NAALADL2: variants seen among roughly 807,000 people sequenced by gnomAD.
NAALADL2 encodes the protein N-acetylated alpha-linked acidic dipeptidase like 2.
NAALADL2 carries 76 observed loss-of-function variants against 87.2 expected under a neutral mutation model. The ratio of observed to expected loss-of-function variants is 0.87; its 90% confidence interval spans 0.72 to 1.05. The LOEUF is 1.05. NAALADL2 is among the 50% of genes least tolerant of loss of function. NAALADL2 has a pLI of 0.00. For synonymous variants in NAALADL2, 354 were observed against 331.0 expected (o/e 1.07, Z -0.75); for missense variants, 1,089 against 945.8 (o/e 1.15, Z -1.99).
chr3:174,581,448 T>A (rs1716156849), intron 2 of NAALADL2, among the ~76,000 whole-genome samples: 1 of 151,994 alleles, frequency 6.6e-6, no homozygotes, highest in South Asian at 2.1e-4. Flanking sequence ...AAAATGTCCA[T>A]GCGTTCAAGA....
intron 3 of NAALADL2, among the ~76,000 whole-genome samples, chr3:174,767,587 G>C (rs1713982578): frequency 6.6e-6 from 1 of 152,022 alleles, no homozygotes; most frequent in South Asian, 2.1e-4. Flanking sequence ...CTATTCACTA[G>C]CTTACCCACG....
intron 2 of NAALADL2, among the ~76,000 whole-genome samples, chr3:174,620,709 A>C (rs775869904): frequency 1.3e-5 from 2 of 152,094 alleles, no homozygotes; most frequent in Non-Finnish European, 2.9e-5. Context: ...TCAGGAGATC[A>C]AAATGGGACT....
chr3:175,752,105 C>A lies in NAALADL2; in HGVS notation c.1991-3115C>A, dbSNP rs181271308. On this transcript the variant is annotated intron_variant, in intron 12 of 13. Coordinates refer to ENST00000454872, the MANE Select transcript of NAALADL2 (RefSeq NM_207015.3). Reference sequence around the variant, plus strand: ...AAAAGACATCTCATAATTCAACATTCACTCAACAAATTTATTAATAAATGA... The same window carrying A: ...AAAAGACATCTCATAATTCAACATTAACTCAACAAATTTATTAATAAATGA... 9.2e-5 allele frequency among the ~76,000 whole-genome samples: 14 copies of A among 152,092 alleles called. No individual in the cohort carries two copies. In the East Asian group the frequency reaches 2.7e-3, roughly 29 times the overall value.
chr3:174,661,455 A>G (rs948133028), intron 2 of NAALADL2, among the ~76,000 whole-genome samples: 4 of 152,108 alleles, frequency 2.6e-5, no homozygotes, highest in Non-Finnish European at 5.9e-5. Context: ...ACTTTTTACT[A>G]TAGTTACTTA....
intron 1 of NAALADL2, among the ~76,000 whole-genome samples, chr3:175,025,607 A>G (rs1752131993): frequency 6.6e-6 from 1 of 152,196 alleles, no homozygotes; most frequent in Non-Finnish European, 1.5e-5. Flanking sequence ...AAACTTTGTC[A>G]TGAAACACCT....
At chr3:175,769,460 T>A (rs187143369) in intron 13 of NAALADL2, among the ~76,000 whole-genome samples, 2 of 152,202 alleles carry the variant, frequency 1.3e-5, no homozygotes, top group Non-Finnish European at 2.9e-5. Flanking sequence ...CTAGAGGCCA[T>A]AGAGAGGGGT....
chr3:174,710,982 G>A (rs902466687), intron 2 of NAALADL2, among the ~76,000 whole-genome samples: 4 of 152,132 alleles, frequency 2.6e-5, no homozygotes, highest in Admixed American at 6.6e-5. Flanking sequence ...TGCAGCAATG[G>A]AAATCCAACA....
At chr3:175,746,368 T>A (rs1158398500) in intron 12 of NAALADL2, among the ~76,000 whole-genome samples, 1 of 108,522 alleles carries the variant, frequency 9.2e-6, no homozygotes, top group Non-Finnish European at 2.0e-5. Flanking sequence ...GTAATATGTT[T>A]TTTTTTTCTA....
chr3:174,838,849 G>A (rs1025261105), intron 3 of NAALADL2, among the ~76,000 whole-genome samples: 9 of 152,006 alleles, frequency 5.9e-5, no homozygotes, highest in Non-Finnish European at 1.3e-4. Context: ...AATCATAGAC[G>A]ACACAAGCAA....
At chr3:175,748,755 G>A (rs1366598134) in intron 12 of NAALADL2, among the ~76,000 whole-genome samples, 1 of 152,006 alleles carries the variant, frequency 6.6e-6, no homozygotes, top group African/African-American at 2.4e-5. Context: ...AAACTTGTTG[G>A]AGTAGGAAAG....
intron 10 of NAALADL2, among the ~76,000 whole-genome samples, chr3:175,607,205 A>G (rs1368717460): frequency 6.8e-6 from 1 of 146,432 alleles, no homozygotes; most frequent in Non-Finnish European, 1.5e-5. Context: ...ATTTGTAAAT[A>G]TAATATGCAC....
At chr3:175,061,924 G>C (rs1170618546) in intron 1 of NAALADL2, among the ~76,000 whole-genome samples, 2 of 152,102 alleles carry the variant, frequency 1.3e-5, no homozygotes, top group South Asian at 2.1e-4. Context: ...AAACAGATGG[G>C]ACTTAACCAC....
chr3:175,670,602 A>G (rs939935013), intron 11 of NAALADL2, among the ~76,000 whole-genome samples: 12 of 146,862 alleles, frequency 8.2e-5, no homozygotes, highest in African/African-American at 3.0e-4. Flanking sequence ...ATTTTATTAA[A>G]TATATATTAA....
intron 5 of NAALADL2, among the ~76,000 whole-genome samples, chr3:175,402,430 A>C (rs1248154301): frequency 6.6e-6 from 1 of 152,066 alleles, no homozygotes; most frequent in Non-Finnish European, 1.5e-5. Context: ...TAGAGTGATC[A>C]TTGCAAATGA....
chr3:175,278,721 T>C (rs141175040), intron 4 of NAALADL2, among the ~76,000 whole-genome samples: 138 of 152,264 alleles, frequency 9.1e-4, no homozygotes, highest in African/African-American at 2.9e-3. Flanking sequence ...TAGCATTATG[T>C]TCACTGTGCA....
intron 2 of NAALADL2, among the ~76,000 whole-genome samples, chr3:175,205,132 T>C (rs1332576172): frequency 6.6e-6 from 1 of 152,062 alleles, no homozygotes; most frequent in African/African-American, 2.4e-5. Context: ...ACCAAAAAAG[T>C]GTCCACATAG....
chr3:174,980,883 A>G (rs1745024728), intron 1 of NAALADL2, among the ~76,000 whole-genome samples: 1 of 152,156 alleles, frequency 6.6e-6, no homozygotes, highest in African/African-American at 2.4e-5. Flanking sequence ...CATCTATTGT[A>G]TCTTCAAAAT....
chr3:175,113,595 G>A (rs1438677085), intron 2 of NAALADL2, among the ~76,000 whole-genome samples: 4 of 151,488 alleles, frequency 2.6e-5, no homozygotes, highest in Non-Finnish European at 5.9e-5. Flanking sequence ...CTGGGTCAAA[G>A]ATGACAGAGA....
intron 2 of NAALADL2, among the ~76,000 whole-genome samples, chr3:175,210,478 T>C (rs1223263080): frequency 6.6e-6 from 1 of 151,746 alleles, no homozygotes; most frequent in African/African-American, 2.4e-5. Flanking sequence ...GTTGTATGTG[T>C]GTTCTAGGTG....
Sources: allele counts gnomAD v4.1 joint callset (sites outside exome capture counted in the v4.1 genomes callset), GRCh38; gene constraint gnomAD v4.1.1; transcripts MANE v1.5; gene names NCBI Gene and HGNC (gene_info 2026-07-23, HGNC 2026-07-21).